The following STON2 variants were observed in gnomAD, a reference collection of about 807,000 sequenced individuals.
STON2 encodes the protein stonin 2, also known as stonin-2.
In STON2, 29 loss-of-function variants were observed where a neutral mutation model predicts 65.7. The ratio of observed to expected loss-of-function variants is 0.44; its 90% CI spans 0.33 to 0.60. The LOEUF (loss-of-function observed/expected upper bound fraction) is 0.60. Ranked by LOEUF, STON2 falls within the 20% of genes least tolerant of loss-of-function variation. The pLI is 0.03. For missense variants in STON2, 1,054 were observed against 1,118.1 expected (o/e 0.94, Z 0.82); for synonymous variants, 404 against 414.2 (o/e 0.98, Z 0.30).
At chr14:81,382,919 CTT>C (rs1203083500) in intron 3 of STON2, among the ~76,000 whole-genome samples, 2 of 152,168 alleles carry the variant, frequency 1.3e-5, no homozygotes, top group African/African-American at 2.4e-5. Context: ...CTCTAATACA[CTT>C]TGTTTATTTT....
intron 4 of STON2, among the ~76,000 whole-genome samples, chr14:81,369,300 A>C (rs896417727): frequency 3.9e-5 from 6 of 152,124 alleles, no homozygotes; most frequent in Non-Finnish European, 8.8e-5. Flanking sequence ...TGTTAGAATG[A>C]CTTTAGAACA....
At position 81,398,459 on chromosome 14, in the gene STON2, AG is replaced by A. The variant is rs780458641; in HGVS notation, c.-78del. ...AATACTGTCTGGGGTGGGCTGGAGT[AG>A]GGGTATGGTAGTACGGTAGACTTGG... On this transcript the variant is annotated 5_prime_UTR_variant, in exon 2 of 8. Coordinates refer to ENST00000614646, the MANE Select transcript of STON2 (RefSeq NM_001394390.1). The A allele has an allele frequency of 9.4e-4, 1,107 of 1,178,384 alleles. 1 individual carries two copies. Among genetic ancestry groups the A allele is most frequent in the Non-Finnish European group, 1.3e-3 (1,016 of 788,662 alleles). The allele number at this position is 1,178,384 out of a possible 1,614,324, so 73.0% of individuals were successfully genotyped here. A position where few individuals can be genotyped will look rare whatever the true frequency, so the allele number is the denominator to read the frequency against.
chr14:81,311,049 G>T (rs547910362), intron 5 of STON2, among the ~76,000 whole-genome samples: 3 of 152,286 alleles, frequency 2.0e-5, no homozygotes, highest in East Asian at 3.9e-4. Flanking sequence ...TTTGAGCTAG[G>T]ATTTGAGCTA....
In STON2 at chr14:81,262,077, T is replaced by C. The variant is rs1894172842; in HGVS notation, c.*6337A>G. ...GTCACTGAAAGGTGGCACCAATGGATATTTTGTAAAATAACCCACAACTTT... is the reference window on the plus strand; with the variant it reads ...GTCACTGAAAGGTGGCACCAATGGACATTTTGTAAAATAACCCACAACTTT... On this transcript the variant is annotated 3_prime_UTR_variant, in exon 8 of 8. Coordinates refer to ENST00000614646, the MANE Select transcript of STON2 (RefSeq NM_001394390.1). 3 of 1,315,918 alleles carry C rather than the reference T, an allele frequency of 2.3e-6. No homozygotes were observed. The highest frequency in any genetic ancestry group is 2.8e-5 in the East Asian group (1 of 35,412). 81.5% of individuals were successfully genotyped at this position (1,315,918 alleles called of 1,614,324 possible).
chr14:81,316,156 T>C (rs1430452191), intron 5 of STON2, among the ~76,000 whole-genome samples: 1 of 152,212 alleles, frequency 6.6e-6, no homozygotes, highest in Non-Finnish European at 1.5e-5. Flanking sequence ...GAACCACTGT[T>C]GAACATGAGG....
intron 3 of STON2, among the ~76,000 whole-genome samples, chr14:81,378,714 C>CTGAG (rs1899371777): frequency 6.6e-6 from 1 of 152,118 alleles, no homozygotes; most frequent in African/African-American, 2.4e-5. Context: ...TTTATTTGCC[C>CTGAG]TACTCAAGAA....
intron 1 of STON2, among the ~76,000 whole-genome samples, chr14:81,433,704 C>G (rs1902303078): frequency 6.6e-6 from 1 of 152,156 alleles, no homozygotes; most frequent in African/African-American, 2.4e-5. Context: ...TTCCCTTTGT[C>G]ATAAATAAGA....
At chr14:81,316,145 G>T (rs570928913) in intron 5 of STON2, among the ~76,000 whole-genome samples, 1 of 152,194 alleles carries the variant, frequency 6.6e-6, no homozygotes, top group East Asian at 1.9e-4. Context: ...AATCTGTCAG[G>T]GAACCACTGT....
At chr14:81,320,242 C>T (rs1279328888) in intron 5 of STON2, among the ~76,000 whole-genome samples, 1 of 151,164 alleles carries the variant, frequency 6.6e-6, no homozygotes, top group Admixed American at 6.6e-5. Flanking sequence ...CTCTTAAGAC[C>T]TTGGCTTGGG....
chr14:81,410,953 A>T (rs1253231183), intron 2 of STON2, among the ~76,000 whole-genome samples: 2 of 152,254 alleles, frequency 1.3e-5, no homozygotes, highest in Admixed American at 1.3e-4. Context: ...AACAGCAGAA[A>T]ATACAAAATT....
At chr14:81,324,736 T>G (rs1409485228) in intron 4 of STON2, among the ~76,000 whole-genome samples, 1 of 152,212 alleles carries the variant, frequency 6.6e-6, no homozygotes, top group Admixed American at 6.5e-5. Context: ...GAAATCAAGA[T>G]TTTAGAAATG....
intron 1 of STON2, among the ~76,000 whole-genome samples, chr14:81,434,689 G>C (rs1344151727): frequency 6.6e-6 from 1 of 152,018 alleles, no homozygotes; most frequent in Non-Finnish European, 1.5e-5. Context: ...TTTTGGATTC[G>C]TCACACAGTA....
chr14:81,395,140 T>C (rs757898733), intron 3 of STON2: 4 of 152,118 alleles, frequency 2.6e-5, no homozygotes, highest in Admixed American at 6.5e-5. Flanking sequence ...CCCATGAGGA[T>C]TTGGATTCAA....
At chr14:81,345,766 A>C (rs1897787770) in intron 4 of STON2, among the ~76,000 whole-genome samples, 1 of 152,164 alleles carries the variant, frequency 6.6e-6, no homozygotes, top group South Asian at 2.1e-4. Context: ...GTCTCAAAAA[A>C]AAAAAAATTC....
intron 5 of STON2, among the ~76,000 whole-genome samples, chr14:81,301,756 T>C (rs1566897325): frequency 6.6e-6 from 1 of 152,204 alleles, no homozygotes; most frequent in Admixed American, 6.5e-5. Flanking sequence ...AAAAAATACA[T>C]GTAAAGAACT....
At chr14:81,403,528 G>T (rs181868384), upstream of STON2, among the ~76,000 whole-genome samples, 6 of 152,268 alleles carry the variant, frequency 3.9e-5, no homozygotes, top group East Asian at 1.2e-3. Context: ...CAAGGGCCTT[G>T]AATACATGCA....
At chr14:81,383,899 C>T (rs896407327) in intron 3 of STON2, among the ~76,000 whole-genome samples, 3 of 152,190 alleles carry the variant, frequency 2.0e-5, no homozygotes, top group Non-Finnish European at 2.9e-5. Flanking sequence ...AAGTCCTCAA[C>T]ATGTCTGCCA....
chr14:81,364,578 A>T (rs1433235095), intron 4 of STON2, among the ~76,000 whole-genome samples: 1 of 152,208 alleles, frequency 6.6e-6, no homozygotes, highest in African/African-American at 2.4e-5. Flanking sequence ...GTAGAGATTA[A>T]TGAAAAGCTA....
At chr14:81,347,424 T>C (rs1186209272) in intron 4 of STON2, among the ~76,000 whole-genome samples, 1 of 151,796 alleles carries the variant, frequency 6.6e-6, no homozygotes, top group Admixed American at 6.6e-5. Context: ...TGAAATTGAA[T>C]CAGCAACAAG....
Sources: gnomAD v4.1 joint callset for allele counts (sites outside exome capture counted in the v4.1 genomes callset) on GRCh38, gnomAD v4.1.1 for gene constraint, MANE v1.5 for transcripts, NCBI Gene and HGNC (gene_info 2026-07-23, HGNC 2026-07-21) for gene names.